Variants in DENND1B observed in about 807,000 individuals in gnomAD.
DENND1B encodes the protein DENN domain containing 1B.
Under a neutral mutation model 90.1 loss-of-function variants are expected in DENND1B, and 59 were observed. The ratio of observed to expected loss-of-function variants is 0.65; its 90% CI spans 0.53 to 0.81. The LOEUF (loss-of-function observed/expected upper bound fraction) is 0.81, where lower values mean the gene tolerates loss of function less well. Ranked by LOEUF, DENND1B falls within the 40% of genes least tolerant of loss-of-function variation. The probability of loss-of-function intolerance (pLI) is 0.00; values close to 1 mark genes in which losing one functional copy is unlikely to be tolerated. For missense variants in DENND1B, 862 were observed against 912.6 expected (o/e 0.94, Z 0.71); for synonymous variants, 337 against 324.6 (o/e 1.04, Z -0.41).
At chr1:197,571,088 T>C (rs1015188575) in intron 15 of DENND1B, among the ~76,000 whole-genome samples, 5 of 152,194 alleles carry the variant, frequency 3.3e-5, no homozygotes, top group Middle Eastern at 3.2e-3. Context: ...AAACAAATTC[T>C]GTCCTGCTTC....
chr1:197,576,245 T>C (rs527310690), intron 15 of DENND1B, among the ~76,000 whole-genome samples: 1 of 152,204 alleles, frequency 6.6e-6, no homozygotes, highest in African/African-American at 2.4e-5. Flanking sequence ...CATTGTGAAA[T>C]GTATGTGTGA....
chr1:197,524,856 A>C (rs1669029897), intron 20 of DENND1B, among the ~76,000 whole-genome samples: 1 of 152,194 alleles, frequency 6.6e-6, no homozygotes, highest in Non-Finnish European at 1.5e-5. Flanking sequence ...ATTTGACTAA[A>C]GAAATCTGCA....
chr1:197,713,968 C>CATATATTATAT (rs1660362039), intron 3 of DENND1B, among the ~76,000 whole-genome samples: 1 of 2,942 alleles, frequency 3.4e-4, no homozygotes, highest in Admixed American at 2.7e-3. Context: ...ATAAATATCA[C>CATATATTATAT]CCATATATAT....
At chr1:197,667,480 A>C (rs1295255443) in intron 5 of DENND1B, among the ~76,000 whole-genome samples, 2 of 152,070 alleles carry the variant, frequency 1.3e-5, no homozygotes, top group African/African-American at 4.8e-5. Flanking sequence ...GCCAGGCCAG[A>C]GTACAGTGGC....
At chr1:197,623,269 A>T (rs1224280475) in intron 10 of DENND1B, among the ~76,000 whole-genome samples, 5 of 151,546 alleles carry the variant, frequency 3.3e-5, no homozygotes, top group African/African-American at 1.2e-4. Context: ...TTTAAGCATC[A>T]TAAATAACTA....
intron 15 of DENND1B, among the ~76,000 whole-genome samples, chr1:197,568,353 T>C (rs968482677): frequency 3.9e-5 from 6 of 151,928 alleles, no homozygotes; most frequent in Admixed American, 1.3e-4. Flanking sequence ...AATGACAAAA[T>C]ATATAGAAAA....
chr1:197,683,966 T>C (rs1656963659), intron 3 of DENND1B, among the ~76,000 whole-genome samples: 1 of 152,184 alleles, frequency 6.6e-6, no homozygotes, highest in South Asian at 2.1e-4. Context: ...TGCGGCTGTT[T>C]TCAACTTCGG....
chr1:197,627,146 GA>G (rs1678828078), intron 10 of DENND1B, among the ~76,000 whole-genome samples: 1 of 152,068 alleles, frequency 6.6e-6, no homozygotes, highest in East Asian at 1.9e-4. Flanking sequence ...CCAATCAATA[GA>G]AAAAGAGGGA....
chr1:197,545,760 A>G (rs1670766814), intron 18 of DENND1B, 162 bp downstream of exon 18: 1 of 585,712 alleles, frequency 1.7e-6, no homozygotes, highest in Admixed American at 3.8e-5. Flanking sequence ...ATGCAATGTT[A>G]TAATTTTAAC....
intron 5 of DENND1B, among the ~76,000 whole-genome samples, chr1:197,659,278 C>T (rs558495354): frequency 7.9e-5 from 12 of 151,322 alleles, no homozygotes; most frequent in Admixed American, 2.6e-4. Context: ...GTAAGTAGAA[C>T]GTAAAAAAAG....
At chr1:197,527,317 T>G (rs868014577) in intron 20 of DENND1B, among the ~76,000 whole-genome samples, 6 of 149,904 alleles carry the variant, frequency 4.0e-5, no homozygotes, top group Admixed American at 1.3e-4. Flanking sequence ...TTTTTGTTTT[T>G]GTTTTTTTTC....
chr1:197,592,978 C>G (rs967711245), intron 14 of DENND1B, among the ~76,000 whole-genome samples: 2 of 152,012 alleles, frequency 1.3e-5, no homozygotes, highest in Non-Finnish European at 2.9e-5. Context: ...TGAAACTTCT[C>G]TCTGCACTTA....
intron 20 of DENND1B, among the ~76,000 whole-genome samples, chr1:197,536,973 G>A (rs1045136576): frequency 3.3e-5 from 5 of 151,486 alleles, no homozygotes; most frequent in Admixed American, 1.3e-4. Context: ...CCCAGGAGGC[G>A]GAGCTTGCAG....
chr1:197,753,209 G>A (rs1571622147), intron 2 of DENND1B, among the ~76,000 whole-genome samples: 1 of 152,098 alleles, frequency 6.6e-6, no homozygotes, highest in South Asian at 2.1e-4. Flanking sequence ...TATCAAACGT[G>A]CAAAAGACAA....
At chr1:197,561,566 C>T (rs562396842) in intron 15 of DENND1B, among the ~76,000 whole-genome samples, 1 of 151,906 alleles carries the variant, frequency 6.6e-6, no homozygotes, top group South Asian at 2.1e-4. Context: ...GCTGATGACT[C>T]CAAAATGTAT....
intron 2 of DENND1B, among the ~76,000 whole-genome samples, chr1:197,757,612 CT>C (rs2102441986): frequency 6.6e-6 from 1 of 152,210 alleles, no homozygotes; most frequent in Non-Finnish European, 1.5e-5. Flanking sequence ...AAAATATAAA[CT>C]TCATCAACAT....
chr1:197,588,200 A>G (rs922606921), intron 14 of DENND1B, among the ~76,000 whole-genome samples: 16 of 152,232 alleles, frequency 1.1e-4, no homozygotes, highest in East Asian at 1.9e-4. Context: ...TTATTTATAT[A>G]GAATAATTAA....
At chr1:197,512,844 A>C (rs752995799) in intron 21 of DENND1B, 27 bp downstream of exon 21, 1 of 1,605,168 alleles carries the variant, frequency 6.2e-7, no homozygotes, top group South Asian at 1.1e-5. Flanking sequence ...CATTCCACTT[A>C]ATAGGACACC....
intron 11 of DENND1B, among the ~76,000 whole-genome samples, chr1:197,614,811 C>A (rs145384108): frequency 6.6e-6 from 1 of 151,078 alleles, no homozygotes; most frequent in East Asian, 2.0e-4. Context: ...AAAGAAGAGT[C>A]ATATAGCCTA....
Sources: gnomAD v4.1 joint callset for allele counts (sites outside exome capture counted in the v4.1 genomes callset) on GRCh38, gnomAD v4.1.1 for gene constraint, MANE v1.5 for transcripts, NCBI Gene and HGNC (gene_info 2026-07-23, HGNC 2026-07-21) for gene names.